Variants in CNTN5 observed in about 807,000 individuals in gnomAD.
The protein encoded by CNTN5 is contactin 5, also known as contactin-5.
A neutral mutation model predicts 129.1 loss-of-function variants in CNTN5; 77 were observed. The ratio of observed to expected loss-of-function variants is 0.60; its 90% CI spans 0.50 to 0.72. The LOEUF is 0.72. Ranked by LOEUF, CNTN5 falls within the 30% of genes least tolerant of loss-of-function variation. The pLI is 0.00. For synonymous variants in CNTN5, 509 were observed against 465.6 expected, an observed-to-expected ratio of 1.09 and a Z score of -1.20; for missense variants, 1,478 against 1,328.8, an observed-to-expected ratio of 1.11 and a Z score of -1.75.
At chr11:99,221,570 T>TA (rs1451373813) in intron 1 of CNTN5, among the ~76,000 whole-genome samples, 1 of 151,958 alleles carries the variant, frequency 6.6e-6, no homozygotes, top group Non-Finnish European at 1.5e-5. Flanking sequence ...AAAATGTTAA[T>TA]AGATATGCCA....
chr11:99,766,739 T>G (rs376424919), intron 3 of CNTN5, among the ~76,000 whole-genome samples: 2 of 152,178 alleles, frequency 1.3e-5, no homozygotes, highest in East Asian at 3.9e-4. Flanking sequence ...TAAAGCAGAT[T>G]TTTTATGCTC....
chr11:99,887,404 C>G (rs892251883), intron 6 of CNTN5, among the ~76,000 whole-genome samples: 12 of 152,164 alleles, frequency 7.9e-5, no homozygotes, highest in Non-Finnish European at 2.9e-5. Context: ...AGAACATGGT[C>G]AAATAAATTT....
chr11:100,010,977 A>G lies in CNTN5; in HGVS notation c.980+8841A>G, dbSNP rs533454239. ...GCCTGCCCCACTGGAACAGCTATAGATATCTGTCTTCTTTAGTGTGCTGAA... is the reference window on the plus strand; with the variant it reads ...GCCTGCCCCACTGGAACAGCTATAGGTATCTGTCTTCTTTAGTGTGCTGAA... On this transcript the variant is annotated intron_variant, in intron 9 of 24. Transcript: ENST00000524871. Among the ~76,000 whole-genome samples the G allele has an allele frequency of 3.0e-4, 46 of 152,244 alleles. 1 individual carries two copies. In the South Asian group the frequency reaches 6.0e-3, roughly 20 times the overall value.
chr11:99,970,752 T>G (rs1404120684), intron 8 of CNTN5, among the ~76,000 whole-genome samples: 1 of 152,192 alleles, frequency 6.6e-6, no homozygotes, highest in East Asian at 1.9e-4. Context: ...TCATTGCTGT[T>G]GTTGTTTATT....
At chr11:99,036,769 G>T (rs1863755924) in intron 1 of CNTN5, among the ~76,000 whole-genome samples, 2 of 152,072 alleles carry the variant, frequency 1.3e-5, no homozygotes, top group South Asian at 4.1e-4. Flanking sequence ...TAACAGAATG[G>T]TTCTAAAAGA....
chr11:100,313,345 G>T (rs1214432541), intron 21 of CNTN5, among the ~76,000 whole-genome samples: 1 of 151,678 alleles, frequency 6.6e-6, no homozygotes, highest in East Asian at 1.9e-4. Context: ...ATGTATTTTA[G>T]AGGCAGGGCT....
intron 3 of CNTN5, among the ~76,000 whole-genome samples, chr11:99,775,681 T>A (rs1190410498): frequency 6.6e-6 from 1 of 151,922 alleles, no homozygotes; most frequent in Non-Finnish European, 1.5e-5. Flanking sequence ...TATCACATGC[T>A]CTCTCTCTAT....
intron 18 of CNTN5, among the ~76,000 whole-genome samples, chr11:100,272,360 A>G (rs1451311843): frequency 2.0e-5 from 3 of 152,196 alleles, no homozygotes; most frequent in African/African-American, 7.2e-5. Flanking sequence ...TCCATTGTGT[A>G]TTATAGTTAT....
chr11:99,684,114 A>G (rs1270717510), intron 3 of CNTN5, among the ~76,000 whole-genome samples: 1 of 151,740 alleles, frequency 6.6e-6, no homozygotes, highest in Non-Finnish European at 1.5e-5. Flanking sequence ...CCGTCTGGTA[A>G]CCACACTTTC....
intron 2 of CNTN5, among the ~76,000 whole-genome samples, chr11:99,373,051 C>T (rs931400621): frequency 2.1e-5 from 3 of 141,946 alleles, no homozygotes; most frequent in Admixed American, 2.1e-4. Context: ...TCTACTAAAA[C>T]TACAAAAATT....
intron 2 of CNTN5, among the ~76,000 whole-genome samples, chr11:99,504,682 T>C (rs1946553364): frequency 6.6e-6 from 1 of 152,194 alleles, no homozygotes; most frequent in South Asian, 2.1e-4. Flanking sequence ...AGCAGGAAGT[T>C]ACTGTAACAT....
chr11:99,079,683 G>A (rs4754585), intron 1 of CNTN5, among the ~76,000 whole-genome samples: 27,233 of 152,036 alleles, frequency 0.18, 3,584 homozygotes, highest in East Asian at 0.47. Flanking sequence ...TTATCCTCGA[G>A]CCAAAACAAA....
intron 3 of CNTN5, among the ~76,000 whole-genome samples, chr11:99,613,017 G>A (rs1028161888): frequency 5.3e-5 from 8 of 152,136 alleles, no homozygotes; most frequent in Non-Finnish European, 1.0e-4. Flanking sequence ...TTACACTCCA[G>A]GAAGTTTGGA....
At chr11:99,048,353 TC>T (rs1290622948) in intron 1 of CNTN5, among the ~76,000 whole-genome samples, 1 of 152,124 alleles carries the variant, frequency 6.6e-6, no homozygotes. Context: ...TGCTATGGCA[TC>T]AATCACTGCA....
chr11:100,302,333 A>G (rs796193072), intron 20 of CNTN5, among the ~76,000 whole-genome samples: 6 of 151,724 alleles, frequency 4.0e-5, no homozygotes, highest in East Asian at 1.9e-4. Context: ...ACAGCTTCAC[A>G]GTGTGTCTTT....
chr11:99,197,181 A>G (rs537885087), intron 1 of CNTN5, among the ~76,000 whole-genome samples: 1 of 152,002 alleles, frequency 6.6e-6, no homozygotes, highest in African/African-American at 2.4e-5. Context: ...ACACATCCCA[A>G]AGAATGATTA....
chr11:99,994,030 GA>G (rs932183360), intron 8 of CNTN5, among the ~76,000 whole-genome samples: 15 of 152,108 alleles, frequency 9.9e-5, no homozygotes, highest in African/African-American at 3.6e-4. Flanking sequence ...CTTGGGGCCA[GA>G]AGTGAGGCTT....
At chr11:99,785,816 A>G (rs927905146) in intron 3 of CNTN5, among the ~76,000 whole-genome samples, 1 of 152,172 alleles carries the variant, frequency 6.6e-6, no homozygotes, top group African/African-American at 2.4e-5. Context: ...CCTTCATGCT[A>G]AAAACTCTAA....
Position 99,740,789 on chromosome 11 carries a change from A to C in CNTN5, c.56-78755A>C, listed in dbSNP as rs532520800. On this transcript the variant is annotated intron_variant, in intron 3 of 24. Transcript: ENST00000524871. ...AACATTTTTAACTGAAGAAATATGGATATCTAGCATTCATTATAGATAATC... is the reference window on the plus strand; with the variant it reads ...AACATTTTTAACTGAAGAAATATGGCTATCTAGCATTCATTATAGATAATC... Among the ~76,000 whole-genome samples, 54 of 152,300 alleles carry C rather than the reference A, an allele frequency of 3.5e-4. No homozygotes were observed. The South Asian group carries it at 7.7e-3, about 22-fold the overall frequency.
Sources: allele counts gnomAD v4.1 joint callset (sites outside exome capture counted in the v4.1 genomes callset), GRCh38; gene constraint gnomAD v4.1.1; transcripts MANE v1.5; gene names NCBI Gene and HGNC (gene_info 2026-07-23, HGNC 2026-07-21).